CAMK1D: variants seen among roughly 807,000 people sequenced by gnomAD.
The protein encoded by CAMK1D is calcium/calmodulin dependent protein kinase ID.
A neutral mutation model predicts 47.7 loss-of-function variants in CAMK1D; 9 were observed. The observed-to-expected ratio is 0.19, with a 90% CI of 0.11 to 0.33. CAMK1D has a LOEUF of 0.33. Among genes scored for constraint, CAMK1D ranks in the 10% least tolerant of loss-of-function variants. The pLI is 1.00. For missense variants in CAMK1D, 291 were observed against 488.7 expected (o/e 0.60, Z 3.81); for synonymous variants, 184 against 184.9 (o/e 0.99, Z 0.04).
intron 6 of CAMK1D, among the ~76,000 whole-genome samples, chr10:12,810,972 G>A (rs559345392): frequency 2.0e-5 from 3 of 152,362 alleles, no homozygotes; most frequent in African/African-American, 7.2e-5. Context: ...CCAGGGGGCT[G>A]AGGGGAGAGG....
intron 2 of CAMK1D, among the ~76,000 whole-genome samples, chr10:12,555,495 G>T (rs181007645): frequency 6.6e-6 from 1 of 152,324 alleles, no homozygotes; most frequent in African/African-American, 2.4e-5. Context: ...TCCTGAGGAG[G>T]ATTGCAGGAA....
chr10:12,706,886 T>C (rs1833746200), intron 3 of CAMK1D, among the ~76,000 whole-genome samples: 2 of 152,074 alleles, frequency 1.3e-5, no homozygotes, highest in African/African-American at 4.8e-5. Flanking sequence ...CCTTGGTCCA[T>C]AGGAGGAAAC....
intron 3 of CAMK1D, among the ~76,000 whole-genome samples, chr10:12,692,195 T>G (rs1043733996): frequency 2.6e-5 from 4 of 152,264 alleles, no homozygotes; most frequent in African/African-American, 9.6e-5. Context: ...ATAGTTGATT[T>G]CAGCTGCAAA....
intron 2 of CAMK1D, among the ~76,000 whole-genome samples, chr10:12,648,426 G>A (rs1044036368): frequency 1.3e-5 from 2 of 152,096 alleles, no homozygotes; most frequent in African/African-American, 4.8e-5. Flanking sequence ...TGGCTACTCC[G>A]CTAGATGGAC....
intron 3 of CAMK1D, among the ~76,000 whole-genome samples, chr10:12,741,467 T>C (rs1835424547): frequency 6.6e-6 from 1 of 152,252 alleles, no homozygotes; most frequent in South Asian, 2.1e-4. Flanking sequence ...TTGGCTTGCC[T>C]TGCTCTGTTT....
At chr10:12,379,272 T>C (rs1334873197) in intron 1 of CAMK1D, among the ~76,000 whole-genome samples, 2 of 152,230 alleles carry the variant, frequency 1.3e-5, no homozygotes, top group African/African-American at 4.8e-5. Context: ...TTGGCCTGAA[T>C]CTCAGCATGA....
chr10:12,646,677 A>T lies in CAMK1D; in HGVS notation c.225-20059A>T, dbSNP rs558525048. Among the ~76,000 whole-genome samples the T allele has an allele frequency of 9.8e-5, 15 of 152,296 alleles. 1 individual carries two copies. Among genetic ancestry groups the T allele is most frequent in the Admixed American group, 9.8e-4 (15 of 15,290 alleles). ...AAACGTGATTAGCCTGGTATCCTGC[A>T]CATACTAAGCTCTGAGTAAATGATA... On this transcript the variant is annotated intron_variant, in intron 2 of 10. Coordinates refer to ENST00000619168, the MANE Select transcript of CAMK1D (RefSeq NM_153498.4).
intron 2 of CAMK1D, among the ~76,000 whole-genome samples, chr10:12,563,137 A>C (rs1028283484): frequency 1.3e-5 from 2 of 152,274 alleles, no homozygotes; most frequent in Admixed American, 1.3e-4. Flanking sequence ...GCCCAAGGCC[A>C]AAGACCTGGG....
At chr10:12,512,236 G>T (rs1263429988) in intron 1 of CAMK1D, among the ~76,000 whole-genome samples, 2 of 152,168 alleles carry the variant, frequency 1.3e-5, no homozygotes, top group Non-Finnish European at 2.9e-5. Flanking sequence ...TCCAAAAGAG[G>T]TACTGGAATA....
chr10:12,782,355 A>G (rs184450761), intron 5 of CAMK1D, among the ~76,000 whole-genome samples: 2 of 152,162 alleles, frequency 1.3e-5, no homozygotes, highest in African/African-American at 4.8e-5. Context: ...GACCCAGCAC[A>G]TTCAGTATCA....
chr10:12,468,163 C>T (rs2132069151), intron 1 of CAMK1D, among the ~76,000 whole-genome samples: 1 of 152,316 alleles, frequency 6.6e-6, no homozygotes, highest in South Asian at 2.1e-4. Flanking sequence ...TCAAGTGATC[C>T]TCCCGCCTCA....
chr10:12,362,834 C>G (rs1252457653), intron 1 of CAMK1D, among the ~76,000 whole-genome samples: 1 of 150,782 alleles, frequency 6.6e-6, no homozygotes, highest in Non-Finnish European at 1.5e-5. Context: ...TTAGTAGAGA[C>G]GGGGTTTCAC....
intron 1 of CAMK1D, among the ~76,000 whole-genome samples, chr10:12,525,451 A>G (rs1173905101): frequency 6.6e-6 from 1 of 152,166 alleles, no homozygotes; most frequent in Non-Finnish European, 1.5e-5. Context: ...CTACAAGATC[A>G]TTCTCTCTTC....
intron 3 of CAMK1D, among the ~76,000 whole-genome samples, chr10:12,686,271 T>C (rs1832660608): frequency 6.6e-6 from 1 of 152,200 alleles, no homozygotes; most frequent in Non-Finnish European, 1.5e-5. Context: ...GATATGATGT[T>C]AATGAATAAG....
intron 2 of CAMK1D, among the ~76,000 whole-genome samples, chr10:12,595,920 T>A (rs1402847955): frequency 6.6e-6 from 1 of 152,140 alleles, no homozygotes; most frequent in Non-Finnish European, 1.5e-5. Flanking sequence ...AGTAGCAGCT[T>A]CTGCCTTCCC....
At chr10:12,656,693 C>T (rs1840125717) in intron 2 of CAMK1D, among the ~76,000 whole-genome samples, 1 of 152,152 alleles carries the variant, frequency 6.6e-6, no homozygotes, top group African/African-American at 2.4e-5. Context: ...GTCTTGGCTC[C>T]TTAGTTGCCC....
At chr10:12,424,690 T>C (rs138098398) in intron 1 of CAMK1D, among the ~76,000 whole-genome samples, 44 of 152,272 alleles carry the variant, frequency 2.9e-4, no homozygotes, top group African/African-American at 6.3e-4. Flanking sequence ...ATGCCTGTAG[T>C]CCCAGCACTT....
intron 2 of CAMK1D, among the ~76,000 whole-genome samples, chr10:12,651,830 G>A (rs1439428573): frequency 6.6e-6 from 1 of 151,720 alleles, no homozygotes; most frequent in East Asian, 1.9e-4. Flanking sequence ...CCAGGCTGGA[G>A]TGCAGTGGCG....
chr10:12,560,508 G>A (rs1458546163), intron 2 of CAMK1D, among the ~76,000 whole-genome samples: 2 of 145,112 alleles, frequency 1.4e-5, no homozygotes, highest in African/African-American at 5.2e-5. Flanking sequence ...AGCCAGGATC[G>A]CACCACTGCA....
Sources: gnomAD v4.1 joint callset for allele counts (sites outside exome capture counted in the v4.1 genomes callset) on GRCh38, gnomAD v4.1.1 for gene constraint, MANE v1.5 for transcripts, NCBI Gene and HGNC (gene_info 2026-07-23, HGNC 2026-07-21) for gene names.